Variants in GNG2 observed in about 807,000 individuals in gnomAD.
The protein encoded by GNG2 is guanine nucleotide-binding protein G(I)/G(S)/G(O) subunit gamma-2.
GNG2 carries 5 observed loss-of-function variants against 5.5 expected under a neutral mutation model. That is an observed-to-expected ratio of 0.91 (90% CI 0.48 to 1.92). The LOEUF is 1.92. Among genes scored for constraint, GNG2 ranks in the 30% most tolerant of loss-of-function variants. The pLI is 0.01. For missense variants in GNG2, 55 were observed against 88.4 expected (o/e 0.62, Z 1.52); for synonymous variants, 28 against 32.0 (o/e 0.88, Z 0.42).
chr14:51,871,675 G>A (rs73292960), intron 1 of GNG2, among the ~76,000 whole-genome samples: 4,578 of 152,274 alleles, frequency 0.03, 215 homozygotes, highest in African/African-American at 0.1. Flanking sequence ...ATCTGCAGTA[G>A]AGTATCTTTT....
intron 2 of GNG2, among the ~76,000 whole-genome samples, chr14:51,883,933 GA>G (rs1249224980): frequency 2.6e-5 from 4 of 151,814 alleles, no homozygotes; most frequent in South Asian, 2.1e-4. Context: ...AATTCATGCA[GA>G]AAAAAACAAT....
At chr14:51,890,549 T>C (rs1884778772) in intron 2 of GNG2, among the ~76,000 whole-genome samples, 1 of 152,220 alleles carries the variant, frequency 6.6e-6, no homozygotes, top group Non-Finnish European at 1.5e-5. Context: ...GTGTTTAGCT[T>C]GGGTTTTCTG....
chr14:51,827,189 A>C lies in GNG2; in HGVS notation c.-76-479A>C, dbSNP rs1190923385. 3.9e-5 allele frequency among the ~76,000 whole-genome samples: 6 copies of C among 152,358 alleles called. No individual in the cohort carries two copies. In the East Asian group the frequency reaches 7.7e-4, roughly 20 times the overall value. On this transcript the variant is annotated intron_variant, in intron 1 of 3. Coordinates refer to the GNG2 transcript ENST00000553432. ...GAATTAAATCACAATCCCTAGGAGA[A>C]GGGCACGGGCACAGATGTCAATACT...
At chr14:51,913,055 T>C (rs1886386963) in intron 2 of GNG2, 1 of 152,228 alleles carries the variant, frequency 6.6e-6, no homozygotes, top group Non-Finnish European at 1.5e-5. Flanking sequence ...TGATGTCTGC[T>C]ACCTAGTTTC....
At chr14:51,949,139 AAAG>A (rs1439494289) in intron 2 of GNG2, among the ~76,000 whole-genome samples, 1 of 151,848 alleles carries the variant, frequency 6.6e-6, no homozygotes, top group Non-Finnish European at 1.5e-5. Context: ...AAAAAAAAGA[AAAG>A]AAATTGAGGG....
At chr14:51,916,757 T>G (rs1886669352) in intron 2 of GNG2, among the ~76,000 whole-genome samples, 1 of 152,114 alleles carries the variant, frequency 6.6e-6, no homozygotes, top group Admixed American at 6.6e-5. Flanking sequence ...AGGTAGTGGA[T>G]AGTGTGAGGG....
intron 1 of GNG2, among the ~76,000 whole-genome samples, chr14:51,861,090 T>A (rs569527076): frequency 6.6e-6 from 1 of 152,320 alleles, no homozygotes. Context: ...CATCTGGGGC[T>A]GTGAAGCTGT....
At chr14:51,945,845 T>C (rs908326419) in intron 2 of GNG2, among the ~76,000 whole-genome samples, 25 of 151,980 alleles carry the variant, frequency 1.6e-4, no homozygotes, top group Non-Finnish European at 2.6e-4. Flanking sequence ...GACAAACTCT[T>C]ATTTGCACAG....
rs190237437 is a variant in GNG2 at position 51,839,736 on chromosome 14, T to C, written c.64+11929T>C. On this transcript the variant is annotated intron_variant, in intron 2 of 3. Transcript: ENST00000553432. ...GTGTTTGTCAAACTCACATAACTAC[T>C]TTAAAAAGGGTAAATTTTGCTATAT... Among the ~76,000 whole-genome samples, 33 of 152,338 alleles carry C rather than the reference T, an allele frequency of 2.2e-4. 1 individual carries two copies. The highest frequency in any genetic ancestry group is 2.0e-3 in the Admixed American group (30 of 15,306).
intron 2 of GNG2, among the ~76,000 whole-genome samples, chr14:51,840,630 T>G (rs1881458316): frequency 6.6e-6 from 1 of 152,196 alleles, no homozygotes; most frequent in African/African-American, 2.4e-5. Flanking sequence ...CTCCAAATAT[T>G]TCCTGAGGTA....
intron 2 of GNG2, among the ~76,000 whole-genome samples, chr14:51,906,834 C>T (rs569780976): frequency 1.5e-4 from 21 of 140,372 alleles, no homozygotes; most frequent in Non-Finnish European, 2.6e-4. Context: ...CGGCTTACTA[C>T]AAGCTCCGCC....
At chr14:51,882,542 A>G (rs548869461) in intron 2 of GNG2, among the ~76,000 whole-genome samples, 5 of 152,198 alleles carry the variant, frequency 3.3e-5, no homozygotes, top group Non-Finnish European at 5.9e-5. Flanking sequence ...TTAAGATACT[A>G]GTTGTTTATT....
chr14:51,936,675 GA>G (rs1888029349), intron 2 of GNG2, among the ~76,000 whole-genome samples: 1 of 151,850 alleles, frequency 6.6e-6, no homozygotes, highest in Non-Finnish European at 1.5e-5. Context: ...TCAGCCTCTG[GA>G]GTAGCTGGGA....
rs145030805 is a variant in GNG2, at chr14:51,933,241, G to A, written c.-29-17409G>A. ...GCAGCCACAGCAAACCAAGACAGGG[G>A]TCAAATAAGATTAGGACTGAGAAGT... On this transcript the variant is annotated intron_variant, in intron 2 of 3. Coordinates refer to ENST00000556766, the MANE Select transcript of GNG2 (RefSeq NM_053064.5). Among the ~76,000 whole-genome samples, 15 of 152,328 alleles carry A rather than the reference G, an allele frequency of 9.8e-5. 1 individual carries two copies. The East Asian group carries it at 2.3e-3, about 23-fold the overall frequency.
chr14:51,857,105 G>A (rs773500829), upstream of GNG2, among the ~76,000 whole-genome samples: 6 of 152,150 alleles, frequency 3.9e-5, no homozygotes, highest in Non-Finnish European at 7.3e-5. Flanking sequence ...TGGGTGAGAT[G>A]CACATCTAAC....
chr14:51,859,398 A>G (rs1332383037), upstream of GNG2, among the ~76,000 whole-genome samples: 2 of 152,162 alleles, frequency 1.3e-5, no homozygotes, highest in Non-Finnish European at 2.9e-5. Flanking sequence ...TGAACATACT[A>G]ATAGTGAGGA....
intron 3 of GNG2, among the ~76,000 whole-genome samples, 189 bp downstream of exon 3, chr14:51,950,954 C>T (rs894538902): frequency 2.0e-5 from 3 of 152,128 alleles, no homozygotes; most frequent in African/African-American, 7.2e-5. Flanking sequence ...GATCCTCTTT[C>T]CCATGTAGAA....
At chr14:51,885,205 G>A (rs1884365757) in intron 2 of GNG2, among the ~76,000 whole-genome samples, 1 of 152,146 alleles carries the variant, frequency 6.6e-6, no homozygotes, top group Non-Finnish European at 1.5e-5. Flanking sequence ...TCTGTAAAAT[G>A]GAGGTTATAA....
At chr14:51,895,691 A>G (rs1314761937) in intron 2 of GNG2, among the ~76,000 whole-genome samples, 3 of 152,262 alleles carry the variant, frequency 2.0e-5, no homozygotes, top group Non-Finnish European at 4.4e-5. Flanking sequence ...AGATTTTCAC[A>G]TATCCCACTG....
Sources: allele counts gnomAD v4.1 joint callset (sites outside exome capture counted in the v4.1 genomes callset), GRCh38; gene constraint gnomAD v4.1.1; transcripts MANE v1.5; gene names NCBI Gene and HGNC (gene_info 2026-07-23, HGNC 2026-07-21).